Variants in TTC39A observed in about 807,000 individuals in gnomAD.
TTC39A encodes the protein tetratricopeptide repeat domain 39A.
Under a neutral mutation model 82.3 loss-of-function variants are expected in TTC39A, and 46 were observed. The observed-to-expected ratio is 0.56, with a 90% CI of 0.44 to 0.71. The LOEUF is 0.71. Among genes scored for constraint, TTC39A ranks in the 30% least tolerant of loss-of-function variants. The pLI, the probability that TTC39A is intolerant of heterozygous loss-of-function variation, is 0.00. For synonymous variants in TTC39A, 254 were observed against 275.2 expected, an observed-to-expected ratio of 0.92 and a Z score of 0.76; for missense variants, 543 against 712.9, an observed-to-expected ratio of 0.76 and a Z score of 2.71.
rs1461479550 is a variant in TTC39A, at chr1:51,322,572, GTAAA to G, written c.42-751_42-748del. Among the ~76,000 whole-genome samples the G allele has an allele frequency of 1.2e-4, 13 of 104,962 alleles. No individual in the cohort carries two copies. In the South Asian group the frequency reaches 3.0e-3, roughly 24 times the overall value. 68.9% of individuals were successfully genotyped at this position (104,962 alleles called of 152,430 possible). On this transcript the variant is annotated intron_variant, in intron 1 of 17. Transcript: ENST00000680483. Reference sequence around the variant, plus strand: ...TAGGCTTTTAATAAATATCTGTTAGGTAAATGAATGAATGAATGAATGAATGAAT... The same window carrying G: ...TAGGCTTTTAATAAATATCTGTTAGGTGAATGAATGAATGAATGAATGAAT...
chr1:51,306,209 G>A (rs1374036260), intron 6 of TTC39A, 133 bp from the exon 7 acceptor site: 1 of 679,320 alleles, frequency 1.5e-6, no homozygotes, highest in Non-Finnish European at 2.5e-6. Flanking sequence ...CTGAGAGCTG[G>A]TATTTGAGGA....
upstream of TTC39A, chr1:51,335,238 C>T (rs1414616173): frequency 6.6e-6 from 1 of 152,148 alleles, no homozygotes; most frequent in Non-Finnish European, 1.5e-5. Flanking sequence ...TCACCTGTGC[C>T]ATTGTCAACT....
rs1295167519 is a variant in TTC39A, at chr1:51,301,691, A to C, written c.934T>G (p.Trp312Gly). ...TAGCACATGTGGTGGAACTGCTTCC[A>C]GTGCTGCTGGGCCTCACAGCACTCC... The part of the protein sequence containing the change: ...FEECCEAQQH[W>G]KQFHHMCYWE... The change falls in exon 12 of 18, where the codon TGG becomes GGG. Residue 312 changes from tryptophan to glycine, a missense_variant. Trp to Gly is a radical substitution (Grantham distance 184). Coordinates refer to ENST00000680483, the MANE Select transcript of TTC39A (RefSeq NM_001297663.2). 1.2e-6 allele frequency: 2 copies of C among 1,613,192 alleles called. No homozygotes were observed. Among genetic ancestry groups the C allele is most frequent in the Non-Finnish European group, 1.7e-6 (2 of 1,179,226 alleles).
At chr1:51,327,051 G>A (rs974410596) in intron 1 of TTC39A, among the ~76,000 whole-genome samples, 1 of 152,214 alleles carries the variant, frequency 6.6e-6, no homozygotes, top group African/African-American at 2.4e-5. Flanking sequence ...CAGGTAGCCT[G>A]GAGCCGCCCC....
intron 2 of TTC39A, among the ~76,000 whole-genome samples, chr1:51,319,675 T>C (rs540128901): frequency 7.2e-5 from 11 of 151,852 alleles, no homozygotes; most frequent in Admixed American, 1.3e-4. Context: ...TCTTATAAAA[T>C]TTCTTTTTTT....
rs1490264200 is a variant in TTC39A, at chr1:51,288,833, C to A, written c.1610+6G>T. 1 of 1,595,240 alleles carries A rather than the reference C, an allele frequency of 6.3e-7. No homozygotes were observed. The highest frequency in any genetic ancestry group is 1.1e-5 in the South Asian group (1 of 87,824). On this transcript the variant is annotated splice_donor_region_variant and intron_variant, in intron 17 of 17. Transcript: ENST00000680483. The surrounding 1 kb of genome is among the most constrained non-coding windows in gnomAD (Gnocchi z 4.8). ...AAAGGACAGACTGAGGTTACCCAAG[C>A]CTTACTTGGCAGATTCCAAAAGTTT...
chr1:51,296,305 G>C, intron 12 of TTC39A, 135 bp from the exon 13 acceptor site: 1 of 836,464 alleles, frequency 1.2e-6, no homozygotes, highest in Non-Finnish European at 1.9e-6. Context: ...AGAAATGAAG[G>C]TAAGAAGCTG....
In TTC39A at chr1:51,288,672, T is replaced by C. The variant is rs996884627; in HGVS notation, c.1610+167A>G. 5.9e-5 allele frequency among the ~76,000 whole-genome samples: 9 copies of C among 152,202 alleles called. No homozygotes were observed. Among genetic ancestry groups the C allele is most frequent in the Admixed American group, 2.0e-4 (3 of 15,280 alleles). ...ATACATTAAGAAAGAAGTCTTCCTA[T>C]GACAGGCGAGAGCTGGATTCCGAGG... On this transcript the variant is annotated intron_variant, in intron 17 of 17. Coordinates refer to ENST00000680483, the MANE Select transcript of TTC39A (RefSeq NM_001297663.2). The surrounding 1 kb of genome is among the most constrained non-coding windows in gnomAD (Gnocchi z 4.8).
chr1:51,344,942 C>A, intron 1 of TTC39A: 1 of 1,525,798 alleles, frequency 6.6e-7, no homozygotes, highest in Admixed American at 2.0e-5. Flanking sequence ...TCCGGCGGCC[C>A]CTTGGTCCCG....
chr1:51,306,027 G>C lies in TTC39A; in HGVS notation c.538C>G (p.His180Asp). ...TTCACTCCTCCTTCAAAGTGCGGGT[G>C]GTTCTCACCCTTGCAGTATTGTGAG... The part of the protein sequence containing the change: ...QSSQYCKGEN[H>D]PHFEGGVKLG... The change falls in exon 7 of 18, where the codon CAC (histidine) becomes GAC (aspartate). Residue 180 changes from histidine (H) to aspartate (D), a missense_variant. His to Asp is a moderately conservative substitution (Grantham distance 81). Coordinates refer to ENST00000680483, the MANE Select transcript of TTC39A (RefSeq NM_001297663.2). 6.2e-7 allele frequency: 1 copy of C among 1,614,028 alleles called. No individual in the cohort carries two copies. Among genetic ancestry groups the C allele is most frequent in the South Asian group, 1.1e-5 (1 of 91,082 alleles).
chr1:51,297,705 G>C (rs1181669600), intron 12 of TTC39A: 1 of 152,406 alleles, frequency 6.6e-6, no homozygotes, highest in Non-Finnish European at 1.5e-5. Flanking sequence ...AGGCTACCCG[G>C]GATGTCTTTC....
upstream of TTC39A, chr1:51,330,574 C>G (rs966424975): frequency 2.0e-6 from 2 of 982,772 alleles, no homozygotes; most frequent in Non-Finnish European, 2.4e-6. The surrounding 1 kb of genome is among the most constrained non-coding windows in gnomAD (Gnocchi z 4.5). Flanking sequence ...CGGTCGCGGA[C>G]GCGGCGGCCG....
At chr1:51,320,648 G>A (rs996162881) in intron 2 of TTC39A, among the ~76,000 whole-genome samples, 5 of 150,014 alleles carry the variant, frequency 3.3e-5, no homozygotes, top group African/African-American at 1.2e-4. Flanking sequence ...TAGATATGGA[G>A]TTTCACCATG....
intron 1 of TTC39A, among the ~76,000 whole-genome samples, chr1:51,322,943 C>T (rs1334020436): frequency 6.6e-6 from 1 of 152,244 alleles, no homozygotes; most frequent in Non-Finnish European, 1.5e-5. Context: ...TGAAACATGT[C>T]TTTTTCAAAA....
At chr1:51,291,374 C>G (rs1215302284) in intron 14 of TTC39A, among the ~76,000 whole-genome samples, 1 of 151,642 alleles carries the variant, frequency 6.6e-6, no homozygotes, top group Non-Finnish European at 1.5e-5. Flanking sequence ...ACCTATAATT[C>G]CAGCTACTCG....
intron 6 of TTC39A, among the ~76,000 whole-genome samples, chr1:51,308,140 C>T (rs954819497): frequency 3.3e-5 from 5 of 152,138 alleles, no homozygotes; most frequent in South Asian, 2.1e-4. Context: ...TGGGCTTCTC[C>T]GTACTGCCAG....
At chr1:51,311,188 T>A (rs1645069853) in intron 5 of TTC39A, 66 bp downstream of exon 5, 1 of 1,477,308 alleles carries the variant, frequency 6.8e-7, no homozygotes, top group African/African-American at 1.4e-5. Context: ...AGGGGATGGG[T>A]CATGGTTGGA....
intron 15 of TTC39A, 147 bp from the exon 16 acceptor site, chr1:51,290,266 A>G (rs1569737569): frequency 3.8e-6 from 3 of 787,460 alleles, no homozygotes; most frequent in Non-Finnish European, 6.1e-6. Flanking sequence ...TCTAAGAAGG[A>G]AAGGCAAATA....
At chr1:51,324,407 C>T (rs542717578) in intron 1 of TTC39A, among the ~76,000 whole-genome samples, 1 of 152,164 alleles carries the variant, frequency 6.6e-6, no homozygotes, top group Admixed American at 6.5e-5. Context: ...TGTAAATAGC[C>T]TAAGGTTGCT....
Sources: gnomAD v4.1 joint callset for allele counts (sites outside exome capture counted in the v4.1 genomes callset) on GRCh38, gnomAD v4.1.1 for gene constraint, Gnocchi (gnomAD v3.1) non-coding constraint, MANE v1.5 for transcripts, NCBI Gene and HGNC (gene_info 2026-07-23, HGNC 2026-07-21) for gene names.